Variants in SRRM4 observed in about 807,000 individuals in gnomAD.
The protein encoded by SRRM4 is serine/arginine repetitive matrix protein 4.
A neutral mutation model predicts 68.9 loss-of-function variants in SRRM4; 33 were observed. The observed-to-expected ratio is 0.48, with a 90% CI of 0.36 to 0.64. SRRM4 has a LOEUF of 0.64. Ranked by LOEUF, SRRM4 falls within the 30% of genes least tolerant of loss-of-function variation. The pLI, the probability that SRRM4 is intolerant of heterozygous loss-of-function variation, is 0.00. For missense variants in SRRM4, 817 were observed against 827.1 expected (o/e 0.99, Z 0.15); for synonymous variants, 318 against 318.8 (o/e 1.00, Z 0.03).
intron 1 of SRRM4, among the ~76,000 whole-genome samples, chr12:119,051,160 C>T (rs1047750169): frequency 6.6e-6 from 1 of 152,300 alleles, no homozygotes; most frequent in East Asian, 1.9e-4. Flanking sequence ...GTGCAGAGGA[C>T]AGACCCCCAG....
chr12:119,016,732 C>T (rs1953484158), intron 1 of SRRM4, among the ~76,000 whole-genome samples: 1 of 152,116 alleles, frequency 6.6e-6, no homozygotes, highest in Non-Finnish European at 1.5e-5. Context: ...TGTATTTTTA[C>T]CTCTTTTACT....
intron 1 of SRRM4, among the ~76,000 whole-genome samples, chr12:119,046,162 C>T (rs1953706310): frequency 6.6e-6 from 1 of 152,176 alleles, no homozygotes. Flanking sequence ...TTCAGAACCT[C>T]TTGATCTCTT....
rs1217441326 is a variant in SRRM4, at chr12:118,995,691, A to G, written c.131+13678A>G. Among the ~76,000 whole-genome samples, 7 of 152,230 alleles carry G rather than the reference A, an allele frequency of 4.6e-5. No individual in the cohort carries two copies. The East Asian group carries it at 1.3e-3, about 29-fold the overall frequency. ...ACTTCTAACTGCAACGCTTACCCCA[A>G]GCTGACCCAGTTAGGTGCAGCCATT... On this transcript the variant is annotated intron_variant, in intron 1 of 12. Transcript: ENST00000267260.
In SRRM4 at chr12:119,153,611, C is replaced by A. The variant is rs1353710950; in HGVS notation, c.1353C>A (p.Ser451=). The change falls in exon 11 of 13, where the codon TCC becomes TCA. Residue 451 remains serine, a synonymous_variant. Coordinates refer to ENST00000267260, the MANE Select transcript of SRRM4 (RefSeq NM_194286.4). ...KRSPPSRSSR[S]RRSPSYSRYS... ...GCCCGCCCAGCAGAAGCTCTAGGTC[C>A]CGCCGCAGCCCTAGCTACTCCCGCT... 10 of 1,567,774 alleles carry A rather than the reference C, an allele frequency of 6.4e-6. No individual in the cohort carries two copies. The highest frequency in any genetic ancestry group is 8.6e-6 in the Non-Finnish European group (10 of 1,157,592).
intron 1 of SRRM4, among the ~76,000 whole-genome samples, chr12:119,060,890 A>G (rs1185983865): frequency 6.6e-6 from 1 of 152,166 alleles, no homozygotes; most frequent in African/African-American, 2.4e-5. Context: ...CACAATCCCT[A>G]CTTGCCAATT....
chr12:119,107,792 G>A (rs972995346), intron 2 of SRRM4, among the ~76,000 whole-genome samples: 1 of 152,042 alleles, frequency 6.6e-6, no homozygotes, highest in Admixed American at 6.6e-5. Flanking sequence ...TTGATTTTTT[G>A]AAGGGTTTTT....
intron 8 of SRRM4, among the ~76,000 whole-genome samples, chr12:119,140,377 CAA>C (rs368797079): frequency 5.7e-5 from 8 of 141,222 alleles, no homozygotes; most frequent in East Asian, 2.2e-4. Context: ...GACTCTGTCT[CAA>C]AAAAAAAAAA....
intron 8 of SRRM4, among the ~76,000 whole-genome samples, chr12:119,136,155 C>T (rs1017381043): frequency 6.6e-6 from 1 of 152,168 alleles, no homozygotes; most frequent in Non-Finnish European, 1.5e-5. Context: ...CTCGGAGTAT[C>T]TTTAGCCTCA....
At chr12:119,076,035 T>C (rs1953913634) in intron 1 of SRRM4, among the ~76,000 whole-genome samples, 1 of 151,490 alleles carries the variant, frequency 6.6e-6, no homozygotes, top group Non-Finnish European at 1.5e-5. Context: ...GTGGTGATGG[T>C]GATGATGATA....
chr12:119,011,005 G>A (rs188004551), intron 1 of SRRM4, among the ~76,000 whole-genome samples: 4 of 152,250 alleles, frequency 2.6e-5, no homozygotes, highest in Admixed American at 2.6e-4. Context: ...AGAACACTAT[G>A]TACTCTATAT....
At chr12:119,053,082 G>C (rs779310780) in intron 1 of SRRM4, among the ~76,000 whole-genome samples, 2 of 152,080 alleles carry the variant, frequency 1.3e-5, no homozygotes, top group Non-Finnish European at 2.9e-5. Flanking sequence ...GTCTCAGTTT[G>C]GGGCTACTAT....
intron 1 of SRRM4, among the ~76,000 whole-genome samples, chr12:119,072,114 T>C (rs1039401817): frequency 6.6e-6 from 1 of 152,266 alleles, no homozygotes; most frequent in Non-Finnish European, 1.5e-5. Context: ...CTCATAGTGC[T>C]GTCATGAGGA....
chr12:119,117,318 G>A (rs938934983), intron 4 of SRRM4, among the ~76,000 whole-genome samples: 2 of 152,138 alleles, frequency 1.3e-5, no homozygotes, highest in African/African-American at 4.8e-5. Flanking sequence ...GACCTGAAGT[G>A]CCCGCTGTCT....
At chr12:119,134,396 A>AG (rs1361559611) in intron 8 of SRRM4, among the ~76,000 whole-genome samples, 22 of 151,834 alleles carry the variant, frequency 1.4e-4, no homozygotes, top group Middle Eastern at 3.4e-3. Context: ...AAAAAAAAAA[A>AG]AAGAAGAAAA....
intron 1 of SRRM4, among the ~76,000 whole-genome samples, chr12:119,079,515 C>A (rs992826640): frequency 1.3e-5 from 2 of 152,144 alleles, no homozygotes; most frequent in African/African-American, 2.4e-5. Context: ...GGCATTTGGT[C>A]TCTGATTGCT....
chr12:119,065,054 CA>C (rs1173136746), intron 1 of SRRM4, among the ~76,000 whole-genome samples: 5 of 152,140 alleles, frequency 3.3e-5, no homozygotes, highest in African/African-American at 4.8e-5. Context: ...TATTATCTCA[CA>C]ACCACTTCAA....
At chr12:119,123,368 T>C (rs1440195081) in intron 6 of SRRM4, among the ~76,000 whole-genome samples, 1 of 151,978 alleles carries the variant, frequency 6.6e-6, no homozygotes, top group Non-Finnish European at 1.5e-5. Context: ...TGGCCACGTG[T>C]ATTGAATGTG....
chr12:119,053,674 G>A (rs1953758960), intron 1 of SRRM4, among the ~76,000 whole-genome samples: 1 of 152,168 alleles, frequency 6.6e-6, no homozygotes. Context: ...ATACCAATTT[G>A]CACACGTGGC....
chr12:119,090,373 C>G (rs1954007636), intron 1 of SRRM4, among the ~76,000 whole-genome samples: 1 of 152,106 alleles, frequency 6.6e-6, no homozygotes, highest in Non-Finnish European at 1.5e-5. Flanking sequence ...CAGGATAGGA[C>G]AGGGGAAGAA....
Sources: allele counts gnomAD v4.1 joint callset (sites outside exome capture counted in the v4.1 genomes callset), GRCh38; gene constraint gnomAD v4.1.1; transcripts MANE v1.5; gene names NCBI Gene and HGNC (gene_info 2026-07-23, HGNC 2026-07-21).